The following ERC2 variants were observed in gnomAD, a reference collection of about 807,000 sequenced individuals.
ERC2 encodes the protein ELKS/RAB6-interacting/CAST family member 2.
In ERC2, 42 loss-of-function variants were observed where a neutral mutation model predicts 114.8. The ratio of observed to expected loss-of-function variants is 0.37; its 90% confidence interval spans 0.29 to 0.47. The LOEUF is 0.47. ERC2 is among the 20% of genes least tolerant of loss of function. The pLI is 0.99. For synonymous variants in ERC2, 454 were observed against 425.5 expected, an observed-to-expected ratio of 1.07 and a Z score of -0.82; for missense variants, 939 against 1,150.7, an observed-to-expected ratio of 0.82 and a Z score of 2.66.
chr3:55,630,247 G>A (rs2059694586), intron 17 of ERC2, among the ~76,000 whole-genome samples: 1 of 152,190 alleles, frequency 6.6e-6, no homozygotes, highest in Non-Finnish European at 1.5e-5. Context: ...TTGGCTCACG[G>A]CAACCTCTGC....
At chr3:56,203,641 T>A (rs1360421716) in intron 3 of ERC2, among the ~76,000 whole-genome samples, 1 of 152,122 alleles carries the variant, frequency 6.6e-6, no homozygotes, top group Non-Finnish European at 1.5e-5. Context: ...CCCTGAATCA[T>A]CCCAATTATT....
intron 2 of ERC2, among the ~76,000 whole-genome samples, chr3:56,314,430 T>C (rs539971533): frequency 6.9e-6 from 1 of 145,182 alleles, no homozygotes; most frequent in African/African-American, 2.5e-5. Flanking sequence ...GCTCCTACTA[T>C]TATTAATATA....
At chr3:55,953,510 C>G (rs1576341193) in intron 12 of ERC2, among the ~76,000 whole-genome samples, 2 of 152,272 alleles carry the variant, frequency 1.3e-5, no homozygotes, top group East Asian at 3.9e-4. Flanking sequence ...CAGTTGAAGC[C>G]TTTCTTTTAC....
intron 17 of ERC2, among the ~76,000 whole-genome samples, chr3:55,534,920 T>G (rs982292274): frequency 6.6e-6 from 1 of 152,080 alleles, no homozygotes; most frequent in Non-Finnish European, 1.5e-5. Flanking sequence ...AGCATCATGG[T>G]CAATGGAAGA....
chr3:55,575,286 G>A (rs2056919946), intron 17 of ERC2, among the ~76,000 whole-genome samples: 1 of 152,144 alleles, frequency 6.6e-6, no homozygotes, highest in Non-Finnish European at 1.5e-5. Flanking sequence ...CCAAAGTGCT[G>A]GGATTACAGT....
chr3:56,433,658 A>G (rs2061891203), intron 2 of ERC2: 1 of 152,482 alleles, frequency 6.6e-6, no homozygotes, highest in Non-Finnish European at 1.5e-5. Context: ...AAGCAGGAAA[A>G]TAGCATAACT....
At chr3:56,325,065 C>T (rs1168365598) in intron 2 of ERC2, among the ~76,000 whole-genome samples, 2 of 151,944 alleles carry the variant, frequency 1.3e-5, no homozygotes, top group Non-Finnish European at 2.9e-5. Context: ...TTTTTTTCCT[C>T]ATGATCTATC....
chr3:56,220,021 T>TA (rs2049793272), intron 3 of ERC2, among the ~76,000 whole-genome samples: 1 of 152,200 alleles, frequency 6.6e-6, no homozygotes, highest in Non-Finnish European at 1.5e-5. Context: ...CTACAATAGT[T>TA]ATCATTATCA....
chr3:56,199,974 G>A (rs2048318342), intron 3 of ERC2, among the ~76,000 whole-genome samples: 1 of 152,132 alleles, frequency 6.6e-6, no homozygotes, highest in Admixed American at 6.5e-5. Flanking sequence ...AAATATAATT[G>A]GAGGTATAGT....
chr3:56,258,612 C>A (rs930902624), intron 3 of ERC2, among the ~76,000 whole-genome samples: 3 of 152,212 alleles, frequency 2.0e-5, no homozygotes, highest in African/African-American at 7.2e-5. Flanking sequence ...CAAGATCGCG[C>A]CACTGCACTC....
At chr3:55,565,459 T>G (rs1199347378) in intron 17 of ERC2, among the ~76,000 whole-genome samples, 1 of 152,138 alleles carries the variant, frequency 6.6e-6, no homozygotes, top group Non-Finnish European at 1.5e-5. Flanking sequence ...GTCCCCTTTC[T>G]GCCCTTTGCC....
chr3:56,455,345 G>C (rs758970062), intron 1 of ERC2, among the ~76,000 whole-genome samples: 33 of 152,072 alleles, frequency 2.2e-4, no homozygotes, highest in Non-Finnish European at 4.4e-4. Context: ...CCCTAAGGCA[G>C]GTGTTTTACA....
At chr3:55,620,153 C>G (rs9873682) in intron 17 of ERC2, among the ~76,000 whole-genome samples, 2,389 of 152,218 alleles carry the variant, frequency 0.016, 75 homozygotes, top group African/African-American at 0.055. Context: ...CAGGCAATGA[C>G]CTGGTTGATC....
At chr3:56,331,267 T>C (rs1576462168) in intron 2 of ERC2, among the ~76,000 whole-genome samples, 3 of 152,212 alleles carry the variant, frequency 2.0e-5, no homozygotes, top group East Asian at 1.9e-4. Flanking sequence ...GTCTTTGATC[T>C]GCCTTTAGCA....
intron 7 of ERC2, among the ~76,000 whole-genome samples, chr3:56,057,302 C>T (rs1047732047): frequency 1.5e-4 from 23 of 152,304 alleles, no homozygotes; most frequent in African/African-American, 5.1e-4. Flanking sequence ...TTTCATCTTA[C>T]AAAACTAAAA....
chr3:55,775,613 G>A (rs948498597), intron 14 of ERC2, among the ~76,000 whole-genome samples: 1 of 151,702 alleles, frequency 6.6e-6, no homozygotes, highest in African/African-American at 2.4e-5. Context: ...GACAGAGAGA[G>A]TAAGGAGAGA....
chr3:55,827,913 C>T (rs992354141), intron 14 of ERC2, among the ~76,000 whole-genome samples: 2 of 152,252 alleles, frequency 1.3e-5, no homozygotes, highest in Admixed American at 1.3e-4. Context: ...AAAACTGTTC[C>T]ACTCAGCAGC....
At chr3:56,181,085 T>C (rs1194383268) in intron 3 of ERC2, among the ~76,000 whole-genome samples, 3 of 152,256 alleles carry the variant, frequency 2.0e-5, no homozygotes, top group Admixed American at 1.3e-4. Flanking sequence ...ATTTATGTTT[T>C]CAAACTTTAT....
chr3:55,861,680 A>T (rs1243540508), intron 14 of ERC2, among the ~76,000 whole-genome samples: 1 of 152,152 alleles, frequency 6.6e-6, no homozygotes. Context: ...TTACTAGGCA[A>T]ATCGACTATG....
Sources: allele counts gnomAD v4.1 joint callset (sites outside exome capture counted in the v4.1 genomes callset), GRCh38; gene constraint gnomAD v4.1.1; transcripts MANE v1.5; gene names NCBI Gene and HGNC (gene_info 2026-07-23, HGNC 2026-07-21).